Variants in NFIB observed in about 807,000 individuals in gnomAD.
NFIB encodes nuclear factor 1 B-type.
In NFIB, 11 loss-of-function variants were observed where a neutral mutation model predicts 61.5. The ratio of observed to expected loss-of-function variants is 0.18; its 90% CI spans 0.11 to 0.30. NFIB has a LOEUF of 0.30. NFIB is among the 10% of genes least tolerant of loss of function. NFIB has a pLI of 1.00. For synonymous variants in NFIB, 260 were observed against 216.5 expected (o/e 1.20, Z -1.76); for missense variants, 471 against 608.9 (o/e 0.77, Z 2.38).
At chr9:14,517,885 A>C in the NFIB span, among the ~76,000 whole-genome samples, 1 of 151,802 alleles carries the variant, frequency 6.6e-6, no homozygotes, top group Admixed American at 6.6e-5. Context: ...GCTCTCTCTT[A>C]TTTGCATCTA....
chr9:14,114,311 C>T (rs1321882594), intron 9 of NFIB, among the ~76,000 whole-genome samples: 1 of 152,216 alleles, frequency 6.6e-6, no homozygotes, highest in African/African-American at 2.4e-5. Flanking sequence ...GAATTCACCA[C>T]ACCTCACAGA....
chr9:14,142,368 C>G (rs2041831452), intron 6 of NFIB, among the ~76,000 whole-genome samples: 1 of 152,116 alleles, frequency 6.6e-6, no homozygotes, highest in Non-Finnish European at 1.5e-5. Context: ...CTTGCTCCTC[C>G]TTCCACCATG....
At chr9:14,312,821 A>T (rs2060346551) in intron 1 of NFIB, among the ~76,000 whole-genome samples, 1 of 152,188 alleles carries the variant, frequency 6.6e-6, no homozygotes, top group Non-Finnish European at 1.5e-5. Context: ...ACTCCTTAAC[A>T]ATCACCAAGA....
chr9:14,342,805 G>C (rs1474674872), intron 1 of NFIB, among the ~76,000 whole-genome samples: 1 of 152,126 alleles, frequency 6.6e-6, no homozygotes, highest in East Asian at 1.9e-4. Context: ...GCATATGTGT[G>C]TTTTATAACA....
At chr9:14,154,339 A>C (rs1446100795) in intron 4 of NFIB, among the ~76,000 whole-genome samples, 3 of 152,156 alleles carry the variant, frequency 2.0e-5, no homozygotes, top group African/African-American at 7.2e-5. Context: ...TAATTTAATA[A>C]GCCTCCTAAC....
At chr9:14,228,189 T>C (rs1417064126) in intron 2 of NFIB, among the ~76,000 whole-genome samples, 2 of 143,366 alleles carry the variant, frequency 1.4e-5, no homozygotes, top group Non-Finnish European at 3.0e-5. Context: ...ATAATAAACT[T>C]TATGATTCTT....
At chr9:14,144,298 T>C (rs943126260) in intron 6 of NFIB, among the ~76,000 whole-genome samples, 24 of 152,178 alleles carry the variant, frequency 1.6e-4, no homozygotes, top group African/African-American at 5.5e-4. Context: ...ACACCTACAC[T>C]TCTGAATAAC....
chr9:14,274,255 C>CACACAA (rs2057839066), intron 2 of NFIB, among the ~76,000 whole-genome samples: 1 of 147,124 alleles, frequency 6.8e-6, no homozygotes, highest in East Asian at 2.0e-4. Flanking sequence ...CCTCCCTACA[C>CACACAA]ACACACACAC....
At chr9:14,236,910 G>A (rs1337925261) in intron 2 of NFIB, among the ~76,000 whole-genome samples, 2 of 151,076 alleles carry the variant, frequency 1.3e-5, no homozygotes, top group Admixed American at 6.6e-5. Flanking sequence ...CCAAGTAGGA[G>A]CATTTGTCCC....
At chr9:14,466,045 G>T in the NFIB span, among the ~76,000 whole-genome samples, 1 of 152,140 alleles carries the variant, frequency 6.6e-6, no homozygotes, top group African/African-American at 2.4e-5. Flanking sequence ...AGCTGTATTT[G>T]TCTCACTCTC....
At chr9:14,266,115 C>T (rs1163261161) in intron 2 of NFIB, among the ~76,000 whole-genome samples, 1 of 152,162 alleles carries the variant, frequency 6.6e-6, no homozygotes, top group East Asian at 1.9e-4. Flanking sequence ...TCTCAAGGGT[C>T]CATCTGTAGC....
At chr9:14,243,524 T>C (rs2054562523) in intron 2 of NFIB, among the ~76,000 whole-genome samples, 2 of 151,996 alleles carry the variant, frequency 1.3e-5, no homozygotes, top group Admixed American at 6.6e-5. Context: ...TTGTGTTTCA[T>C]GAGGGAAGAC....
chr9:14,322,069 GT>G, intron 1 of NFIB: 3 of 762,002 alleles, frequency 3.9e-6, no homozygotes, highest in Non-Finnish European at 4.7e-6. Flanking sequence ...CGCTTTTTGT[GT>G]TTAGTTAAAA....
chr9:14,128,695 CAA>C (rs202216145), intron 6 of NFIB, among the ~76,000 whole-genome samples: 27 of 79,480 alleles, frequency 3.4e-4, no homozygotes, highest in East Asian at 3.6e-4. Flanking sequence ...AACTCTGTCT[CAA>C]AAAAAAAAAA....
the NFIB span, among the ~76,000 whole-genome samples, chr9:14,451,920 G>C: frequency 6.6e-6 from 1 of 150,456 alleles, no homozygotes; most frequent in Non-Finnish European, 1.5e-5. Context: ...GTTTTAATTT[G>C]TACGTCTGGA....
chr9:14,416,138 G>A, the NFIB span, among the ~76,000 whole-genome samples: 1 of 152,074 alleles, frequency 6.6e-6, no homozygotes, highest in South Asian at 2.1e-4. Context: ...AAGCTATGAA[G>A]TACAGTCATG....
intron 2 of NFIB, among the ~76,000 whole-genome samples, chr9:14,247,879 C>T (rs2132100204): frequency 6.6e-6 from 1 of 151,400 alleles, no homozygotes; most frequent in African/African-American, 2.4e-5. Context: ...CAGTAGATAT[C>T]TGCCCTGTTT....
rs1440048422 is a variant in NFIB, at chr9:14,267,355, G to A, written c.562+39634C>T. Among the ~76,000 whole-genome samples the A allele has an allele frequency of 2.6e-5, 4 of 152,172 alleles. No homozygotes were observed. The East Asian group carries it at 7.7e-4, about 29-fold the overall frequency. ...GGAATACAGCAAAATGCTTCTTATA[G>A]ATAGCTTTCTGATAATTATGAAAGG... On this transcript the variant is annotated intron_variant, in intron 2 of 10. Coordinates refer to ENST00000380953, the MANE Select transcript of NFIB (RefSeq NM_001190737.2).
At chr9:14,276,664 T>A (rs561352523) in intron 2 of NFIB, among the ~76,000 whole-genome samples, 1 of 152,212 alleles carries the variant, frequency 6.6e-6, no homozygotes, top group South Asian at 2.1e-4. Context: ...ATAATATCTA[T>A]CTTGTGAAGG....
Sources: allele counts gnomAD v4.1 joint callset (sites outside exome capture counted in the v4.1 genomes callset), GRCh38; gene constraint gnomAD v4.1.1; transcripts MANE v1.5; gene names NCBI Gene and HGNC (gene_info 2026-07-23, HGNC 2026-07-21).